ALK: variants seen among roughly 807,000 people sequenced by gnomAD.
ALK encodes ALK receptor tyrosine kinase, also known as ALK tyrosine kinase receptor.
ALK carries 74 observed loss-of-function variants against 163.1 expected under a neutral mutation model. That is an observed-to-expected ratio of 0.45 (90% CI 0.38 to 0.55). The LOEUF is 0.55. Among genes scored for constraint, ALK ranks in the 20% least tolerant of loss-of-function variants. The pLI, the probability that ALK is intolerant of heterozygous loss-of-function variation, is 0.00. For synonymous variants in ALK, 960 were observed against 843.2 expected (o/e 1.14, Z -2.40); for missense variants, 2,063 against 2,105.3 (o/e 0.98, Z 0.39).
At chr2:29,785,239 G>A (rs188122366) in intron 1 of ALK, among the ~76,000 whole-genome samples, 1 of 152,200 alleles carries the variant, frequency 6.6e-6, no homozygotes, top group East Asian at 1.9e-4. Flanking sequence ...GCAGAGGACA[G>A]TTCTGTCCCA....
At position 29,734,627 on chromosome 2, in the gene ALK, ATC is replaced by A. The variant is rs1289042473; in HGVS notation, c.668-16932_668-16931del. Among the ~76,000 whole-genome samples, 4 of 152,050 alleles carry A rather than the reference ATC, an allele frequency of 2.6e-5. No homozygotes were observed. The South Asian group carries it at 8.3e-4, about 32-fold the overall frequency. ...CCTGTAAAAATAAATATAGATCCTG[ATC>A]TCTCTTTCTCCCTCTCTCTTTCTGA... On this transcript the variant is annotated intron_variant, in intron 1 of 28. Coordinates refer to ENST00000389048, the MANE Select transcript of ALK (RefSeq NM_004304.5).
At chr2:29,865,579 C>T (rs1572450078) in intron 1 of ALK, among the ~76,000 whole-genome samples, 1 of 152,176 alleles carries the variant, frequency 6.6e-6, no homozygotes, top group African/African-American at 2.4e-5. Flanking sequence ...AGTCCTGCCC[C>T]CAAAGTCTAG....
In ALK at chr2:29,920,141, C is replaced by A. The variant is rs2148443072; in HGVS notation, c.519G>T (p.Leu173=). 6.2e-7 allele frequency: 1 copy of A among 1,613,938 alleles called. No homozygotes were observed. The highest frequency in any genetic ancestry group is 8.5e-7 in the Non-Finnish European group (1 of 1,180,044). ...VGLLQFNLSE[L]FSWWIRQGEG... is the part of the protein sequence containing the mutation. ...CGCCTTGGCGAATCCACCAACTGAA[C>A]AGCTCGCTGAGATTGAACTGGAGCA... Residue 173 remains leucine, a synonymous_variant, in exon 1 of 29, where the codon CTG becomes CTT. Coordinates refer to ENST00000389048, the MANE Select transcript of ALK (RefSeq NM_004304.5).
intron 4 of ALK, among the ~76,000 whole-genome samples, chr2:29,420,156 TAAAA>T (rs66468654): frequency 2.7e-4 from 29 of 108,714 alleles, no homozygotes; most frequent in Non-Finnish European, 2.8e-4. Context: ...GACCCTGTCT[TAAAA>T]AAAAAAAAAA....
At chr2:29,765,507 C>A (rs566892027) in intron 1 of ALK, among the ~76,000 whole-genome samples, 16 of 152,150 alleles carry the variant, frequency 1.1e-4, no homozygotes, top group Middle Eastern at 3.4e-3. Context: ...AAACAGGGTC[C>A]CACTACGTTG....
At chr2:29,736,351 G>A (rs569395185) in intron 1 of ALK, among the ~76,000 whole-genome samples, 23 of 151,816 alleles carry the variant, frequency 1.5e-4, no homozygotes, top group African/African-American at 5.6e-4. Context: ...ATACTTTTCT[G>A]AATTTTTCTA....
chr2:29,783,185 A>G (rs184869471), intron 1 of ALK, among the ~76,000 whole-genome samples: 138 of 152,308 alleles, frequency 9.1e-4, no homozygotes, highest in African/African-American at 3.2e-3. Context: ...CATAATCAAT[A>G]GTTCTTCCCC....
intron 25 of ALK, among the ~76,000 whole-genome samples, chr2:29,208,835 A>G (rs563378324): frequency 6.6e-6 from 1 of 152,202 alleles, no homozygotes; most frequent in Non-Finnish European, 1.5e-5. Context: ...GTAAATAATC[A>G]GGGAAAAAAA....
At chr2:29,789,791 T>C (rs965467041) in intron 1 of ALK, among the ~76,000 whole-genome samples, 5 of 152,314 alleles carry the variant, frequency 3.3e-5, no homozygotes, top group East Asian at 3.9e-4. Context: ...TGCGATTACA[T>C]TGATCTGGAG....
intron 4 of ALK, among the ~76,000 whole-genome samples, chr2:29,443,929 G>A (rs1670606814): frequency 6.6e-6 from 1 of 152,154 alleles, no homozygotes; most frequent in African/African-American, 2.4e-5. Context: ...AGGGCATTCT[G>A]CGTTCTCCAG....
At chr2:29,745,762 GC>G (rs1289953323) in intron 1 of ALK, among the ~76,000 whole-genome samples, 1 of 152,144 alleles carries the variant, frequency 6.6e-6, no homozygotes, top group Admixed American at 6.5e-5. Flanking sequence ...TTACACACGG[GC>G]TTAGTCACTT....
At chr2:29,543,545 C>G (rs371668478) in intron 3 of ALK, among the ~76,000 whole-genome samples, 1 of 152,142 alleles carries the variant, frequency 6.6e-6, no homozygotes, top group South Asian at 2.1e-4. Context: ...TTTTCCTAGC[C>G]CTATGGTTAA....
At chr2:29,639,787 G>C (rs1427131981) in intron 3 of ALK, among the ~76,000 whole-genome samples, 2 of 152,172 alleles carry the variant, frequency 1.3e-5, no homozygotes, top group Admixed American at 1.3e-4. Flanking sequence ...AAATCTACAA[G>C]AGACATTTCT....
At chr2:29,399,573 G>T (rs950521337) in intron 4 of ALK, among the ~76,000 whole-genome samples, 1 of 152,194 alleles carries the variant, frequency 6.6e-6, no homozygotes, top group African/African-American at 2.4e-5. Flanking sequence ...TTGGGATTGG[G>T]ATTTCTAGGC....
chr2:29,356,554 G>A (rs147685194), intron 5 of ALK, among the ~76,000 whole-genome samples: 61 of 152,232 alleles, frequency 4.0e-4, no homozygotes, highest in Middle Eastern at 3.4e-3. Context: ...ACCCTTCTCC[G>A]CACTTTGCTG....
At chr2:29,554,163 T>C (rs1558381686) in intron 3 of ALK, among the ~76,000 whole-genome samples, 1 of 152,348 alleles carries the variant, frequency 6.6e-6, no homozygotes, top group East Asian at 1.9e-4. Flanking sequence ...AAATAGTCAC[T>C]GTAAAGGTAT....
chr2:29,848,618 T>A (rs1022027147), intron 1 of ALK, among the ~76,000 whole-genome samples: 1 of 152,098 alleles, frequency 6.6e-6, no homozygotes. Context: ...GAAAGAGGGG[T>A]AGGCTCTCTG....
At chr2:29,883,845 A>C (rs1572467502) in intron 1 of ALK, among the ~76,000 whole-genome samples, 1 of 152,350 alleles carries the variant, frequency 6.6e-6, no homozygotes, top group Non-Finnish European at 1.5e-5. Flanking sequence ...CAGATATAGT[A>C]CATAGCCTGG....
chr2:29,377,199 C>T (rs992136159), intron 5 of ALK, among the ~76,000 whole-genome samples: 28 of 152,210 alleles, frequency 1.8e-4, no homozygotes, highest in African/African-American at 5.3e-4. Context: ...GAGCTGAGGC[C>T]GGGCGTGGTG....
Sources: allele counts gnomAD v4.1 joint callset (sites outside exome capture counted in the v4.1 genomes callset), GRCh38; gene constraint gnomAD v4.1.1; transcripts MANE v1.5; gene names NCBI Gene and HGNC (gene_info 2026-07-23, HGNC 2026-07-21).